Variants in SNX13 observed in about 807,000 individuals in gnomAD.
The protein encoded by SNX13 is sorting nexin 13.
A neutral mutation model predicts 133.6 loss-of-function variants in SNX13; 45 were observed. That is an observed-to-expected ratio of 0.34 (90% confidence interval 0.27 to 0.43). The LOEUF (loss-of-function observed/expected upper bound fraction) is 0.43, where lower values mean the gene tolerates loss of function less well. Among genes scored for constraint, SNX13 ranks in the 20% least tolerant of loss-of-function variants. SNX13 has a pLI of 1.00. For synonymous variants in SNX13, 414 were observed against 373.9 expected, an observed-to-expected ratio of 1.11 and a Z score of -1.24; for missense variants, 1,032 against 1,145.1, an observed-to-expected ratio of 0.90 and a Z score of 1.43.
At chr7:17,801,511 A>C in intron 22 of SNX13, 77 bp downstream of exon 22, 1 of 1,072,874 alleles carries the variant, frequency 9.3e-7, no homozygotes, top group South Asian at 1.5e-5. Flanking sequence ...TGATACATAG[A>C]ACACTTCATT....
chr7:17,837,005 T>C (rs1269326434), intron 13 of SNX13, among the ~76,000 whole-genome samples: 1 of 152,066 alleles, frequency 6.6e-6, no homozygotes, highest in African/African-American at 2.4e-5. Context: ...ACATCTTTTA[T>C]GCAGTGTTAC....
rs192212636 is a variant in SNX13, at chr7:17,847,269, C to T, written c.1066-1575G>A. 3.3e-5 allele frequency among the ~76,000 whole-genome samples: 5 copies of T among 152,088 alleles called. No individual in the cohort carries two copies. In the East Asian group the frequency reaches 9.7e-4, roughly 29 times the overall value. On this transcript the variant is annotated intron_variant, in intron 11 of 25. Coordinates refer to ENST00000428135, the MANE Select transcript of SNX13 (RefSeq NM_015132.5). The stretch of plus-strand genomic sequence containing the variant: ...CACACACACACGTAACAAATATGGG[C>T]CTCAAGTAATGTTTCTTAAGTTATA...
intron 9 of SNX13, among the ~76,000 whole-genome samples, chr7:17,859,736 A>T (rs1792396200): frequency 6.6e-6 from 1 of 152,184 alleles, no homozygotes; most frequent in African/African-American, 2.4e-5. Context: ...GACTACTCAA[A>T]GAGGGATCAT....
chr7:17,926,270 T>C, intron 1 of SNX13, among the ~76,000 whole-genome samples: 1 of 152,114 alleles, frequency 6.6e-6, no homozygotes, highest in Non-Finnish European at 1.5e-5. Flanking sequence ...AAGTGTGCTA[T>C]ATAAAAAATT....
At chr7:17,859,390 G>T (rs778080368) in intron 9 of SNX13, among the ~76,000 whole-genome samples, 17 of 151,996 alleles carry the variant, frequency 1.1e-4, no homozygotes, top group Admixed American at 3.9e-4. Flanking sequence ...ACATACTAGA[G>T]AAGTTAAAAT....
intron 9 of SNX13, among the ~76,000 whole-genome samples, chr7:17,867,393 G>C (rs1386079654): frequency 6.6e-6 from 1 of 152,120 alleles, no homozygotes; most frequent in Non-Finnish European, 1.5e-5. Flanking sequence ...GATCGCTTGA[G>C]CTCAGGAGTT....
At chr7:17,856,016 G>C (rs1051578035) in intron 9 of SNX13, among the ~76,000 whole-genome samples, 1 of 152,170 alleles carries the variant, frequency 6.6e-6, no homozygotes, top group African/African-American at 2.4e-5. Context: ...CAGAAGATTG[G>C]CAGTTGATTC....
chr7:17,871,014 C>CTT (rs1310883052), intron 8 of SNX13, among the ~76,000 whole-genome samples: 1 of 140,190 alleles, frequency 7.1e-6, no homozygotes. Flanking sequence ...TTTTTTTTTT[C>CTT]TTTTTTTTTG....
At chr7:17,866,163 T>G (rs973551983) in intron 9 of SNX13, among the ~76,000 whole-genome samples, 1 of 152,074 alleles carries the variant, frequency 6.6e-6, no homozygotes, top group African/African-American at 2.4e-5. Context: ...GCTAAAAGGC[T>G]TCTGCACAGC....
chr7:17,878,986 G>C (rs574491410), intron 5 of SNX13, among the ~76,000 whole-genome samples: 36 of 151,828 alleles, frequency 2.4e-4, no homozygotes, highest in Non-Finnish European at 4.3e-4. Context: ...ACACATTAAA[G>C]TTCATCTAAA....
chr7:17,806,347 A>C (rs1278252494), intron 20 of SNX13, among the ~76,000 whole-genome samples: 5 of 152,194 alleles, frequency 3.3e-5, no homozygotes, highest in Admixed American at 2.6e-4. Context: ...ATGTGTTATA[A>C]AGTATTATTT....
intron 1 of SNX13, chr7:17,900,374 A>G (rs1797685593): frequency 6.6e-6 from 1 of 152,298 alleles, no homozygotes; most frequent in African/African-American, 2.4e-5. Context: ...GTGAAGCCAG[A>G]TAGGCTTGTG....
intron 1 of SNX13, among the ~76,000 whole-genome samples, chr7:17,925,325 T>C (rs1489266778): frequency 6.6e-6 from 1 of 152,154 alleles, no homozygotes; most frequent in Non-Finnish European, 1.5e-5. Flanking sequence ...AATGAGGTAC[T>C]TCAACTTATT....
intron 12 of SNX13, among the ~76,000 whole-genome samples, chr7:17,841,695 A>G (rs1489442966): frequency 6.6e-6 from 1 of 151,914 alleles, no homozygotes; most frequent in Non-Finnish European, 1.5e-5. Context: ...CTGATGGAAT[A>G]TCTACTAGAT....
intron 20 of SNX13, among the ~76,000 whole-genome samples, chr7:17,811,381 T>C (rs181657647): frequency 6.6e-6 from 1 of 152,186 alleles, no homozygotes; most frequent in East Asian, 1.9e-4. Flanking sequence ...AAATCATGAG[T>C]GAACTCCCAT....
intron 8 of SNX13, among the ~76,000 whole-genome samples, chr7:17,871,226 C>A (rs901826210): frequency 6.6e-6 from 1 of 152,096 alleles, no homozygotes; most frequent in Non-Finnish European, 1.5e-5. Context: ...AGGATGGTCT[C>A]GATCTCCTGA....
chr7:17,807,664 T>C (rs898222612), intron 20 of SNX13, among the ~76,000 whole-genome samples: 2 of 152,200 alleles, frequency 1.3e-5, no homozygotes, highest in African/African-American at 4.8e-5. Flanking sequence ...CCATGCCTCC[T>C]GACTGGGAGA....
chr7:17,875,677 T>C lies in SNX13; in HGVS notation c.554A>G (p.Gln185Arg). The C allele has an allele frequency of 6.2e-7, 1 of 1,609,408 alleles. No individual in the cohort carries two copies. The highest frequency in any genetic ancestry group is 8.5e-7 in the Non-Finnish European group (1 of 1,177,418). The part of the protein sequence containing the change: ...AQQKITEKDD[Q>R]VKGTAEDLVD... ...TGGAATAAAGATATTACCTTTCACT[T>C]GATCATCTTTCTCTGTTATTTTCTG... The change falls in exon 6 of 26, where the codon CAA becomes CGA. Residue 185 changes from glutamine to arginine, a missense_variant. Physicochemically the swap from Gln to Arg is conservative, Grantham distance 43 (BLOSUM62 1). Coordinates refer to ENST00000428135, the MANE Select transcript of SNX13 (RefSeq NM_015132.5).
At chr7:17,815,106 A>C (rs1370544231) in intron 19 of SNX13, among the ~76,000 whole-genome samples, 162 bp from the exon 20 acceptor site, 2 of 152,212 alleles carry the variant, frequency 1.3e-5, no homozygotes, top group East Asian at 3.9e-4. Flanking sequence ...TAAAGTCACC[A>C]ATAATTTTAT....
Sources: gnomAD v4.1 joint callset for allele counts (sites outside exome capture counted in the v4.1 genomes callset) on GRCh38, gnomAD v4.1.1 for gene constraint, MANE v1.5 for transcripts, NCBI Gene and HGNC (gene_info 2026-07-23, HGNC 2026-07-21) for gene names.